Variants in NOL4 observed in about 807,000 individuals in gnomAD.
NOL4 encodes the protein cancer/testis antigen 125.
Under a neutral mutation model 75.9 loss-of-function variants are expected in NOL4, and 17 were observed. The ratio of observed to expected loss-of-function variants is 0.22; its 90% CI spans 0.15 to 0.34. The LOEUF is 0.34. Among genes scored for constraint, NOL4 ranks in the 10% least tolerant of loss-of-function variants. The pLI is 1.00. For missense variants in NOL4, 614 were observed against 793.5 expected (o/e 0.77, Z 2.72); for synonymous variants, 292 against 289.9 (o/e 1.01, Z -0.07).
chr18:34,177,217 A>T (rs2033632513), intron 1 of NOL4, among the ~76,000 whole-genome samples: 1 of 152,038 alleles, frequency 6.6e-6, no homozygotes, highest in Non-Finnish European at 1.5e-5. Flanking sequence ...GAAATTGCAA[A>T]CTACTATATA....
At chr18:34,061,990 T>C (rs2077081693) in intron 5 of NOL4, among the ~76,000 whole-genome samples, 1 of 152,004 alleles carries the variant, frequency 6.6e-6, no homozygotes. Context: ...TGACATATAC[T>C]GAGAGAGACG....
chr18:33,998,992 A>G (rs1477478031), intron 6 of NOL4, among the ~76,000 whole-genome samples: 2 of 152,156 alleles, frequency 1.3e-5, no homozygotes, highest in East Asian at 3.9e-4. Context: ...GCTTGCTAAC[A>G]GTCCTTCAGA....
At chr18:34,205,252 T>C (rs1313483457) in intron 1 of NOL4, among the ~76,000 whole-genome samples, 1 of 152,054 alleles carries the variant, frequency 6.6e-6, no homozygotes, top group Non-Finnish European at 1.5e-5. Flanking sequence ...TAATAGACAG[T>C]TTTCACACTT....
chr18:34,038,394 C>T (rs1314688458), intron 5 of NOL4, among the ~76,000 whole-genome samples: 2 of 151,874 alleles, frequency 1.3e-5, no homozygotes, highest in African/African-American at 2.4e-5. Flanking sequence ...ACTGGATATC[C>T]ATCCAAAGGA....
At chr18:33,871,397 T>C (rs901669810) in intron 10 of NOL4, among the ~76,000 whole-genome samples, 7 of 152,048 alleles carry the variant, frequency 4.6e-5, no homozygotes, top group Admixed American at 2.6e-4. Flanking sequence ...AATGTCCATA[T>C]AAAGAGTGAG....
At chr18:34,201,609 GT>G (rs1166661042) in intron 1 of NOL4, among the ~76,000 whole-genome samples, 2 of 151,640 alleles carry the variant, frequency 1.3e-5, no homozygotes, top group South Asian at 2.1e-4. Flanking sequence ...AAATATTGAG[GT>G]TTTTTTCATG....
chr18:33,912,077 T>C (rs998772689), intron 9 of NOL4, among the ~76,000 whole-genome samples: 1 of 152,104 alleles, frequency 6.6e-6, no homozygotes, highest in Non-Finnish European at 1.5e-5. Context: ...GTCAATTCTC[T>C]ATAATATGTA....
At chr18:34,009,216 C>T (rs1359926179) in intron 6 of NOL4, among the ~76,000 whole-genome samples, 1 of 151,722 alleles carries the variant, frequency 6.6e-6, no homozygotes, top group African/African-American at 2.4e-5. Context: ...ATGTTACTCA[C>T]AGAAATGGGA....
chr18:34,194,426 G>GGGAGGGAAGGAA (rs1555754886), intron 1 of NOL4, among the ~76,000 whole-genome samples: 1 of 127,996 alleles, frequency 7.8e-6, no homozygotes, highest in Admixed American at 8.4e-5. Context: ...GAGGGAGGGA[G>GGGAGGGAAGGAA]GGAAGGAAGG....
chr18:34,009,793 A>G (rs1215152815), intron 6 of NOL4, among the ~76,000 whole-genome samples: 1 of 151,946 alleles, frequency 6.6e-6, no homozygotes, highest in Non-Finnish European at 1.5e-5. Context: ...AAGGTGGGTT[A>G]AATTATTTGT....
At chr18:33,995,063 T>C (rs2073176339) in intron 6 of NOL4, among the ~76,000 whole-genome samples, 1 of 151,614 alleles carries the variant, frequency 6.6e-6, no homozygotes, top group Non-Finnish European at 1.5e-5. Context: ...CTACTGAAAC[T>C]GACTTAAGCA....
intron 6 of NOL4, among the ~76,000 whole-genome samples, chr18:33,991,571 T>C (rs2072919336): frequency 6.6e-6 from 1 of 152,032 alleles, no homozygotes; most frequent in Non-Finnish European, 1.5e-5. Context: ...TGCTATTCTA[T>C]GTGTGCTGAC....
intron 1 of NOL4, among the ~76,000 whole-genome samples, chr18:34,187,976 A>G (rs1276641718): frequency 6.6e-6 from 1 of 152,130 alleles, no homozygotes; most frequent in Non-Finnish European, 1.5e-5. Flanking sequence ...ATCCTCACGA[A>G]CATTGGTACT....
chr18:34,108,728 C>T (rs1251155365), intron 2 of NOL4, among the ~76,000 whole-genome samples: 1 of 152,126 alleles, frequency 6.6e-6, no homozygotes, highest in African/African-American at 2.4e-5. Context: ...GATAAACAAA[C>T]AGCAACACGT....
At chr18:33,972,089 G>A (rs201120617) in intron 6 of NOL4, among the ~76,000 whole-genome samples, 7 of 151,728 alleles carry the variant, frequency 4.6e-5, no homozygotes, top group South Asian at 4.2e-4. Flanking sequence ...GCTTGAACCC[G>A]GGAGGTGGAG....
rs140958292 is a variant in NOL4, at chr18:34,134,225, T to A, written c.265-4205A>T. Reference sequence around the variant, plus strand: ...CAAAAAAGTGGGAAAAATATAGCTATATAAAATTAAAATTTCTTTACTTGG... The same window carrying A: ...CAAAAAAGTGGGAAAAATATAGCTAAATAAAATTAAAATTTCTTTACTTGG... On this transcript the variant is annotated intron_variant, in intron 1 of 10. Coordinates refer to ENST00000261592, the MANE Select transcript of NOL4 (RefSeq NM_003787.5). 5.6e-3 allele frequency among the ~76,000 whole-genome samples: 847 copies of A among 152,198 alleles called. 11 individuals carry two copies. The highest frequency in any genetic ancestry group is 0.02 in the African/African-American group (812 of 41,532).
chr18:33,915,083 G>A (rs767703431), intron 9 of NOL4, among the ~76,000 whole-genome samples: 2 of 152,090 alleles, frequency 1.3e-5, no homozygotes, highest in African/African-American at 4.8e-5. Flanking sequence ...AAAAGAATTC[G>A]TATGTTGTTT....
chr18:34,212,956 C>T (rs1406175058), intron 1 of NOL4, among the ~76,000 whole-genome samples: 1 of 152,128 alleles, frequency 6.6e-6, no homozygotes. Context: ...CCATGAAAGG[C>T]CCCCCTTTCT....
At chr18:34,074,457 A>C (rs1379894571) in intron 5 of NOL4, among the ~76,000 whole-genome samples, 2 of 151,902 alleles carry the variant, frequency 1.3e-5, no homozygotes, top group Non-Finnish European at 2.9e-5. Flanking sequence ...AGAAATTTGC[A>C]AGTTTTTATA....
Sources: gnomAD v4.1 joint callset for allele counts (sites outside exome capture counted in the v4.1 genomes callset) on GRCh38, gnomAD v4.1.1 for gene constraint, MANE v1.5 for transcripts, NCBI Gene and HGNC (gene_info 2026-07-23, HGNC 2026-07-21) for gene names.